PRKAA1: variants seen among roughly 807,000 people sequenced by gnomAD.
The protein encoded by PRKAA1 is 5'-AMP-activated protein kinase catalytic subunit alpha-1.
PRKAA1 carries 23 observed loss-of-function variants against 56.9 expected under a neutral mutation model. That is an observed-to-expected ratio of 0.40 (90% CI 0.29 to 0.57). PRKAA1 has a LOEUF of 0.57. Among genes scored for constraint, PRKAA1 ranks in the 20% least tolerant of loss-of-function variants. The pLI is 0.39. For missense variants in PRKAA1, 413 were observed against 679.7 expected (o/e 0.61, Z 4.36); for synonymous variants, 226 against 227.0 (o/e 1.00, Z 0.04).
At chr5:40,769,647 G>T in intron 4 of PRKAA1, 144 bp from the exon 5 acceptor site, 1 of 651,372 alleles carries the variant, frequency 1.5e-6, no homozygotes, top group Non-Finnish European at 2.7e-6. Flanking sequence ...GTCTATTGTA[G>T]CCAAATATTC....
At chr5:40,784,476 A>G (rs1744388741) in intron 1 of PRKAA1, among the ~76,000 whole-genome samples, 1 of 152,168 alleles carries the variant, frequency 6.6e-6, no homozygotes, top group Non-Finnish European at 1.5e-5. Flanking sequence ...TTACTATCAG[A>G]CATATATACA....
At chr5:40,796,187 G>C (rs1052483911) in intron 1 of PRKAA1, among the ~76,000 whole-genome samples, 2 of 151,998 alleles carry the variant, frequency 1.3e-5, no homozygotes, top group Non-Finnish European at 2.9e-5. Context: ...GTGGTGGTGG[G>C]CGCCTGTAAT....
At chr5:40,797,075 G>A (rs1744957885) in intron 1 of PRKAA1, among the ~76,000 whole-genome samples, 1 of 152,098 alleles carries the variant, frequency 6.6e-6, no homozygotes, top group Non-Finnish European at 1.5e-5. Flanking sequence ...ATAGTGTTTT[G>A]AAAGAGTCCA....
In PRKAA1 at chr5:40,764,869, G is replaced by A. The variant is rs763000518; in HGVS notation, c.1191C>T (p.Ser397=). 39 of 1,613,936 alleles carry A rather than the reference G, an allele frequency of 2.4e-5. No homozygotes were observed. Among genetic ancestry groups the A allele is most frequent in the Middle Eastern group, 3.3e-4 (2 of 6,082 alleles). ...HTLDELNPQK[S]KHQGVRKAKW... ...TTGCTTTCCTTACACCTTGGTGTTTGGATTTCTGTGGATTTAATTCATCAA... is the reference window on the plus strand; with the variant it reads ...TTGCTTTCCTTACACCTTGGTGTTTAGATTTCTGTGGATTTAATTCATCAA... The change falls in exon 7 of 9, where the codon TCC becomes TCT. Residue 397 remains serine (S), a synonymous_variant. Coordinates refer to ENST00000397128, the MANE Select transcript of PRKAA1 (RefSeq NM_006251.6).
At chr5:40,788,109 A>G (rs1744570770) in intron 1 of PRKAA1, among the ~76,000 whole-genome samples, 2 of 152,240 alleles carry the variant, frequency 1.3e-5, no homozygotes, top group Non-Finnish European at 1.5e-5. Flanking sequence ...TCACACTACC[A>G]TGTTTGAAAA....
chr5:40,767,206 G>A (rs1743500513), intron 6 of PRKAA1, among the ~76,000 whole-genome samples: 1 of 152,066 alleles, frequency 6.6e-6, no homozygotes, highest in South Asian at 2.1e-4. Flanking sequence ...AAAGTAATAT[G>A]ATGTTCACTG....
At chr5:40,794,741 G>C (rs1264506351) in intron 1 of PRKAA1, among the ~76,000 whole-genome samples, 1 of 125,986 alleles carries the variant, frequency 7.9e-6, no homozygotes, top group Admixed American at 9.1e-5. Context: ...TTGTTGAAAA[G>C]GGTGAACAGG....
rs1178543256 is a variant in PRKAA1 at position 40,764,552 on chromosome 5, T to G, written c.1397A>C (p.Asp466Ala). Residue 466 changes from aspartate to alanine, a missense_variant, in exon 8 of 9, where the codon GAT becomes GCT. Transcript: ENST00000397128. Reference protein sequence around the residue: ...SKMSLQLYQVDSRTYLLDFRS... With the variant: ...SKMSLQLYQVASRTYLLDFRS... ...GAAATCCAGTAGATAAGTTCTACTA[T>G]CCACTTGGTATAACTGTAGACTCAT... 4 of 1,612,406 alleles carry G rather than the reference T, an allele frequency of 2.5e-6. No individual in the cohort carries two copies. Among genetic ancestry groups the G allele is most frequent in the Non-Finnish European group, 3.4e-6 (4 of 1,179,080 alleles).
chr5:40,778,656 C>CT (rs1382592985), intron 1 of PRKAA1, among the ~76,000 whole-genome samples: 1 of 151,974 alleles, frequency 6.6e-6, no homozygotes, highest in Non-Finnish European at 1.5e-5. Flanking sequence ...AAAAGACTCT[C>CT]TCATGTCATA....
intron 3 of PRKAA1, among the ~76,000 whole-genome samples, chr5:40,773,172 A>G (rs1297631929): frequency 1.3e-5 from 2 of 152,224 alleles, no homozygotes; most frequent in Non-Finnish European, 2.9e-5. Context: ...AATACAAATC[A>G]GTAATTTATT....
At chr5:40,797,419 T>C (rs969684952) in intron 1 of PRKAA1, among the ~76,000 whole-genome samples, 5 of 152,220 alleles carry the variant, frequency 3.3e-5, no homozygotes, top group African/African-American at 1.2e-4. Flanking sequence ...ATTCAGAACG[T>C]AAACCATGCA....
At chr5:40,781,955 GC>G (rs1425866870) in intron 1 of PRKAA1, among the ~76,000 whole-genome samples, 3 of 152,174 alleles carry the variant, frequency 2.0e-5, no homozygotes, top group Non-Finnish European at 2.9e-5. Flanking sequence ...GACTGTTAAA[GC>G]TTGCTTCAGG....
intron 5 of PRKAA1, chr5:40,768,521 TAA>T: frequency 3.1e-6 from 3 of 953,642 alleles, no homozygotes; most frequent in Middle Eastern, 5.4e-4. Context: ...TTTTTGACAT[TAA>T]GTTAATATTT....
chr5:40,776,634 G>T (rs1435138498), intron 2 of PRKAA1, among the ~76,000 whole-genome samples: 1 of 152,204 alleles, frequency 6.6e-6, no homozygotes, highest in Non-Finnish European at 1.5e-5. Context: ...CAGAAGCTGA[G>T]CAGGAAATAG....
At chr5:40,767,434 C>A in intron 6 of PRKAA1, 32 bp downstream of exon 6, 2 of 1,539,176 alleles carry the variant, frequency 1.3e-6, no homozygotes, top group South Asian at 1.1e-5. Flanking sequence ...TGGATACTAT[C>A]AGATCTGATA....
rs1215080105 is a variant in PRKAA1, at chr5:40,798,172, G to A, written c.18C>T (p.Ser6=). Residue 6 remains serine, a synonymous_variant, in exon 1 of 9, where the codon TCC becomes TCT. Transcript: ENST00000397128. The stretch of plus-strand genomic sequence containing the variant: ...TCTCGGCTGTCGCCATCTTTCTCCA[G>A]GAACTGAGTCTGCGCATGGCGCTGC... MRRLS[S]WRKMATAEKQ... is the part of the protein sequence containing the mutation. 7.7e-6 allele frequency: 12 copies of A among 1,548,838 alleles called. No homozygotes were observed. Among genetic ancestry groups the A allele is most frequent in the Non-Finnish European group, 1.1e-5 (12 of 1,142,006 alleles).
intron 5 of PRKAA1, chr5:40,768,717 T>G (rs1449558616): frequency 1.3e-5 from 17 of 1,298,516 alleles, no homozygotes; most frequent in Non-Finnish European, 1.7e-5. Context: ...ATAAGCATGG[T>G]TTGGGTGAAA....
Position 40,785,240 on chromosome 5 carries a change from A to AT in PRKAA1, c.128-7655dup, listed in dbSNP as rs201176070. Reference sequence around the variant, plus strand: ...TTCCACAGACATTTTATTTTATTTTATTTATTTTTTATTTTTGAGACGGAG... The same window carrying AT: ...TTCCACAGACATTTTATTTTATTTTATTTTATTTTTTATTTTTGAGACGGAG... On this transcript the variant is annotated intron_variant, in intron 1 of 8. Coordinates refer to ENST00000397128, the MANE Select transcript of PRKAA1 (RefSeq NM_006251.6). 6.5e-3 allele frequency among the ~76,000 whole-genome samples: 994 copies of AT among 151,968 alleles called. 8 individuals are homozygous for AT. The highest frequency in any genetic ancestry group is 0.012 in the Non-Finnish European group (789 of 67,934).
chr5:40,791,813 C>T (rs1744728688), intron 1 of PRKAA1, among the ~76,000 whole-genome samples: 1 of 152,206 alleles, frequency 6.6e-6, no homozygotes, highest in African/African-American at 2.4e-5. Flanking sequence ...ATTACAAATA[C>T]AACTCAAGCC....
Sources: gnomAD v4.1 joint callset for allele counts (sites outside exome capture counted in the v4.1 genomes callset) on GRCh38, gnomAD v4.1.1 for gene constraint, MANE v1.5 for transcripts, NCBI Gene and HGNC (gene_info 2026-07-23, HGNC 2026-07-21) for gene names.